CRACD: variants seen among roughly 807,000 people sequenced by gnomAD.
CRACD encodes the protein capping protein-inhibiting regulator of actin dynamics.
Under a neutral mutation model 106.8 loss-of-function variants are expected in CRACD, and 56 were observed. The observed-to-expected ratio is 0.52, with a 90% CI of 0.42 to 0.66. The LOEUF is 0.66. CRACD is among the 30% of genes least tolerant of loss of function. The pLI, the probability that CRACD is intolerant of heterozygous loss-of-function variation, is 0.00. For synonymous variants in CRACD, 754 were observed against 670.8 expected (o/e 1.12, Z -1.92); for missense variants, 1,730 against 1,623.2 (o/e 1.07, Z -1.13).
intron 1 of CRACD, among the ~76,000 whole-genome samples, chr4:56,111,469 A>G (rs895917798): frequency 2.0e-5 from 3 of 152,234 alleles, no homozygotes; most frequent in South Asian, 4.1e-4. Flanking sequence ...AAACATACAT[A>G]TAAAAAAGTA....
At chr4:56,295,128 C>T (rs1743934963) in intron 3 of CRACD, among the ~76,000 whole-genome samples, 1 of 151,656 alleles carries the variant, frequency 6.6e-6, no homozygotes, top group South Asian at 2.1e-4. Context: ...ACAAGTAGAC[C>T]AGTGGAACAG....
intron 1 of CRACD, among the ~76,000 whole-genome samples, chr4:56,058,085 G>A (rs1302219985): frequency 6.6e-6 from 1 of 151,186 alleles, no homozygotes; most frequent in Non-Finnish European, 1.5e-5. Context: ...GCCTCCCAAA[G>A]TGCTAGGATT....
In CRACD at chr4:56,310,743, A is replaced by C; in HGVS notation, c.354+9A>C. On this transcript the variant is annotated intron_variant, in intron 6 of 10. Transcript: ENST00000682029. ...GTGAGATGGAAGAGAAGGTAATATG[A>C]TTTGAACTTATTTATTTGGCTTCTT... is the stretch of plus-strand genomic sequence containing the variant. 6.4e-7 allele frequency: 1 copy of C among 1,571,686 alleles called. No homozygotes were observed. Among genetic ancestry groups the C allele is most frequent in the Non-Finnish European group, 8.8e-7 (1 of 1,142,716 alleles).
At chr4:56,095,799 A>G (rs745397467) in intron 1 of CRACD, among the ~76,000 whole-genome samples, 3 of 152,166 alleles carry the variant, frequency 2.0e-5, no homozygotes, top group African/African-American at 7.2e-5. Context: ...GAGAGTGACA[A>G]TGTGGGGTGG....
At chr4:56,152,606 A>G (rs765384402) in intron 1 of CRACD, among the ~76,000 whole-genome samples, 1 of 152,050 alleles carries the variant, frequency 6.6e-6, no homozygotes, top group Admixed American at 6.5e-5. Flanking sequence ...CTGTCCAAAG[A>G]GAGGCTCTCT....
At chr4:56,261,358 C>CCT (rs1741692624) in intron 2 of CRACD, among the ~76,000 whole-genome samples, 1 of 112,742 alleles carries the variant, frequency 8.9e-6, no homozygotes, top group Non-Finnish European at 1.8e-5. Context: ...GCTTCTTCTT[C>CCT]TTCTTTTTTT....
Position 56,316,009 on chromosome 4 carries a change from C to T in CRACD, c.2507C>T (p.Pro836Leu), listed in dbSNP as rs1284814663. 6.2e-7 allele frequency: 1 copy of T among 1,614,226 alleles called. No homozygotes were observed. The change falls in exon 8 of 11, where the codon CCA (proline) becomes CTA (leucine). Residue 836 changes from proline to leucine, a missense_variant. Pro to Leu is a moderately conservative substitution (Grantham distance 98). Transcript: ENST00000682029. ...NGIAKPDPVM[P>L]GGEEKASPFG... is the part of the protein sequence containing the mutation. ...ATAGCAAAGCCAGACCCTGTGATGC[C>T]AGGTGGAGAGGAAAAAGCCTCACCG... is the stretch of plus-strand genomic sequence containing the variant.
intron 2 of CRACD, among the ~76,000 whole-genome samples, chr4:56,185,448 AAATCAAATTGTAC>A (rs1737047400): frequency 6.6e-6 from 1 of 152,212 alleles, no homozygotes; most frequent in African/African-American, 2.4e-5. Flanking sequence ...TACTTTATAT[AAATCAAATTGTAC>A]AATCTGTGAT....
At chr4:56,255,133 A>AAT (rs60416477) in intron 2 of CRACD, among the ~76,000 whole-genome samples, 23,784 of 138,554 alleles carry the variant, frequency 0.17, 2,770 homozygotes, top group Non-Finnish European at 0.23. Flanking sequence ...AAAAAAAAAA[A>AAT]ACTAAAAATT....
chr4:56,258,893 A>C (rs1280040752), intron 2 of CRACD, among the ~76,000 whole-genome samples: 1 of 152,216 alleles, frequency 6.6e-6, no homozygotes, highest in Non-Finnish European at 1.5e-5. Flanking sequence ...TGTGTCCCAT[A>C]TAATGTTCAC....
chr4:56,100,652 A>G (rs973389971), intron 1 of CRACD, among the ~76,000 whole-genome samples: 3 of 152,192 alleles, frequency 2.0e-5, no homozygotes, highest in Admixed American at 2.0e-4. Context: ...GTAGGCACTA[A>G]TCCAGTATGA....
intron 2 of CRACD, among the ~76,000 whole-genome samples, chr4:56,245,213 T>C (rs1352147075): frequency 6.6e-6 from 1 of 152,226 alleles, no homozygotes; most frequent in East Asian, 1.9e-4. Context: ...TAGTATTTTC[T>C]ATGAAGTCTT....
chr4:56,222,596 A>T (rs1739103167), intron 2 of CRACD, among the ~76,000 whole-genome samples: 2 of 152,334 alleles, frequency 1.3e-5, no homozygotes, highest in South Asian at 4.1e-4. Flanking sequence ...AATTCACTTT[A>T]TGCCTTTTTT....
At chr4:56,224,461 G>A (rs530137094) in intron 2 of CRACD, among the ~76,000 whole-genome samples, 27 of 152,268 alleles carry the variant, frequency 1.8e-4, no homozygotes, top group African/African-American at 5.8e-4. Context: ...AGTTTTTCAG[G>A]TGATTATCTT....
chr4:56,252,903 G>A (rs116054458), intron 2 of CRACD, among the ~76,000 whole-genome samples: 8 of 152,306 alleles, frequency 5.3e-5, no homozygotes, highest in South Asian at 4.1e-4. Flanking sequence ...TGAGCGGTTC[G>A]TGTAATTCCC....
chr4:56,185,929 C>T (rs1381871103), intron 2 of CRACD, among the ~76,000 whole-genome samples: 1 of 152,170 alleles, frequency 6.6e-6, no homozygotes, highest in African/African-American at 2.4e-5. Context: ...ATGATACTAG[C>T]CGTTGAAGAT....
intron 1 of CRACD, among the ~76,000 whole-genome samples, chr4:56,160,250 T>C (rs1170266624): frequency 2.0e-5 from 3 of 150,848 alleles, no homozygotes; most frequent in African/African-American, 7.3e-5. Context: ...TGGCGCGATC[T>C]CCACTCACCG....
chr4:56,242,789 A>C (rs753097194), intron 2 of CRACD, among the ~76,000 whole-genome samples: 8 of 152,144 alleles, frequency 5.3e-5, no homozygotes, highest in Non-Finnish European at 7.4e-5. Flanking sequence ...TCCCCTGGAA[A>C]AACAAAACCA....
intron 2 of CRACD, among the ~76,000 whole-genome samples, chr4:56,223,998 A>G (rs1256010485): frequency 6.6e-6 from 1 of 151,838 alleles, no homozygotes; most frequent in African/African-American, 2.4e-5. Flanking sequence ...GCCTCAAGCA[A>G]TCCTCCCTCC....
Sources: gnomAD v4.1 joint callset for allele counts (sites outside exome capture counted in the v4.1 genomes callset) on GRCh38, gnomAD v4.1.1 for gene constraint, MANE v1.5 for transcripts, NCBI Gene and HGNC (gene_info 2026-07-23, HGNC 2026-07-21) for gene names.